The following ANO3 variants were observed in gnomAD, a reference collection of about 807,000 sequenced individuals.
The protein encoded by ANO3 is anoctamin-3.
In ANO3, 99 loss-of-function variants were observed where a neutral mutation model predicts 144.8. The observed-to-expected ratio is 0.68, with a 90% CI of 0.58 to 0.81. The LOEUF (loss-of-function observed/expected upper bound fraction) is 0.81, where lower values mean the gene tolerates loss of function less well. Ranked by LOEUF, ANO3 falls within the 30% of genes least tolerant of loss-of-function variation. The pLI is 0.00. For missense variants in ANO3, 905 were observed against 1,202.2 expected, an observed-to-expected ratio of 0.75 and a Z score of 3.66; for synonymous variants, 414 against 392.6, an observed-to-expected ratio of 1.05 and a Z score of -0.64.
intron 14 of ANO3, among the ~76,000 whole-genome samples, chr11:26,597,021 A>G (rs1046439945): frequency 2.0e-5 from 3 of 152,212 alleles, no homozygotes; most frequent in Non-Finnish European, 4.4e-5. Context: ...AGCCACGCTA[A>G]TCGTTTTTAA....
chr11:26,248,923 A>G (rs1438269197), intron 1 of ANO3, among the ~76,000 whole-genome samples: 1 of 152,172 alleles, frequency 6.6e-6, no homozygotes, highest in Non-Finnish European at 1.5e-5. Context: ...TGTGAACTGC[A>G]CATGCAAAGG....
At chr11:26,519,079 C>G (rs1861967520) in intron 6 of ANO3, among the ~76,000 whole-genome samples, 1 of 152,150 alleles carries the variant, frequency 6.6e-6, no homozygotes, top group Non-Finnish European at 1.5e-5. Context: ...CAGGATCCTT[C>G]ATCCTGCCCC....
At chr11:26,323,199 C>T (rs1465643003) in intron 1 of ANO3, among the ~76,000 whole-genome samples, 1 of 152,034 alleles carries the variant, frequency 6.6e-6, no homozygotes, top group African/African-American at 2.4e-5. Flanking sequence ...TCTATTTATC[C>T]AAAGAACCCT....
intron 7 of ANO3, among the ~76,000 whole-genome samples, chr11:26,529,117 TATATATTATATATA>T: frequency 5.2e-4 from 1 of 1,908 alleles, no homozygotes; most frequent in African/African-American, 5.5e-4. Flanking sequence ...TTATTAATAA[TATATATTATATATA>T]ATATATATTA....
At chr11:26,573,143 T>G (rs551926434) in intron 14 of ANO3, among the ~76,000 whole-genome samples, 2 of 152,258 alleles carry the variant, frequency 1.3e-5, no homozygotes, top group Admixed American at 1.3e-4. Flanking sequence ...AGATAGGTTT[T>G]CAACTGCTGA....
At chr11:26,595,829 C>CT (rs1565131025) in intron 14 of ANO3, among the ~76,000 whole-genome samples, 2 of 151,998 alleles carry the variant, frequency 1.3e-5, no homozygotes, top group Admixed American at 6.5e-5. Flanking sequence ...TACTTTTTTG[C>CT]TTTTTTTGAT....
intron 1 of ANO3, among the ~76,000 whole-genome samples, chr11:26,302,501 T>C (rs1266158033): frequency 6.6e-6 from 1 of 151,864 alleles, no homozygotes; most frequent in Admixed American, 6.6e-5. Flanking sequence ...CTCAAAATAA[T>C]AATGATAATA....
intron 3 of ANO3, among the ~76,000 whole-genome samples, chr11:26,449,101 A>G (rs891818014): frequency 6.6e-6 from 1 of 152,158 alleles, no homozygotes; most frequent in Non-Finnish European, 1.5e-5. Flanking sequence ...TGGTCTCTCT[A>G]GGCCATTTCC....
At chr11:26,463,546 T>C (rs1290703432) in intron 4 of ANO3, among the ~76,000 whole-genome samples, 2 of 149,932 alleles carry the variant, frequency 1.3e-5, no homozygotes, top group Admixed American at 1.3e-4. Context: ...CTGAGAATTG[T>C]TTTTCTCATT....
intron 4 of ANO3, among the ~76,000 whole-genome samples, chr11:26,484,672 A>G (rs2134094410): frequency 6.6e-6 from 1 of 152,284 alleles, no homozygotes; most frequent in African/African-American, 2.4e-5. Context: ...CCACTGTCCC[A>G]TAGACCCCAG....
Position 26,369,495 on chromosome 11 carries a change from T to C in ANO3, c.46+37174T>C, listed in dbSNP as rs538144524. On this transcript the variant is annotated intron_variant, in intron 1 of 26. Transcript: ENST00000256737. ...AGAGATCTGAGGCTAAGAGGTATTA[T>C]ATAAAGCTAATTTTTAAATATTTTC... Among the ~76,000 whole-genome samples the C allele has an allele frequency of 3.9e-5, 6 of 152,268 alleles. No homozygotes were observed. The East Asian group carries it at 9.7e-4, about 24-fold the overall frequency.
chr11:26,640,401 A>G (rs1853110642), intron 21 of ANO3, among the ~76,000 whole-genome samples: 1 of 152,196 alleles, frequency 6.6e-6, no homozygotes, highest in South Asian at 2.1e-4. Flanking sequence ...GAGAGAATAG[A>G]AGATGGAGGA....
chr11:26,382,648 A>G (rs1856620631), intron 1 of ANO3, among the ~76,000 whole-genome samples: 1 of 152,130 alleles, frequency 6.6e-6, no homozygotes, highest in Non-Finnish European at 1.5e-5. Context: ...ATATTCTTTC[A>G]AAGCCCACTT....
intron 1 of ANO3, among the ~76,000 whole-genome samples, chr11:26,270,128 T>G (rs1853408977): frequency 1.3e-5 from 2 of 152,202 alleles, no homozygotes; most frequent in South Asian, 2.1e-4. Flanking sequence ...GATGTTCAGC[T>G]TTCATTTTTC....
Position 26,403,796 on chromosome 11 carries a change from A to G in ANO3, c.47-38122A>G, listed in dbSNP as rs1250273334. Among the ~76,000 whole-genome samples, 3 of 151,978 alleles carry G rather than the reference A, an allele frequency of 2.0e-5. No homozygotes were observed. The East Asian group carries it at 5.8e-4, about 30-fold the overall frequency. The stretch of plus-strand genomic sequence containing the variant: ...TCCTCCTGCTCACTGTTCTGTAGAC[A>G]TAGAGGCCTCCTTATTCCTCCTTGA... On this transcript the variant is annotated intron_variant, in intron 1 of 26. Transcript: ENST00000256737.
chr11:26,561,959 C>G (rs1368365895), intron 14 of ANO3, among the ~76,000 whole-genome samples: 1 of 151,840 alleles, frequency 6.6e-6, no homozygotes, highest in Non-Finnish European at 1.5e-5. Context: ...ATTCCTGTAG[C>G]CATCTGTTTA....
chr11:26,401,617 G>C (rs993642294), intron 1 of ANO3, among the ~76,000 whole-genome samples: 1 of 151,986 alleles, frequency 6.6e-6, no homozygotes, highest in African/African-American at 2.4e-5. Flanking sequence ...GCTCATGCCT[G>C]TAATCCCAGT....
intron 1 of ANO3, among the ~76,000 whole-genome samples, chr11:26,266,558 C>G (rs917296436): frequency 6.6e-6 from 1 of 151,346 alleles, no homozygotes; most frequent in Non-Finnish European, 1.5e-5. Flanking sequence ...CTCAGCCGCC[C>G]GAGAAGCTGG....
chr11:26,303,149 C>A (rs1016091709), intron 1 of ANO3, among the ~76,000 whole-genome samples: 1 of 152,168 alleles, frequency 6.6e-6, no homozygotes, highest in Admixed American at 6.5e-5. Context: ...TCTCGAAGAA[C>A]TGAAAACAGA....
Sources: allele counts gnomAD v4.1 joint callset (sites outside exome capture counted in the v4.1 genomes callset), GRCh38; gene constraint gnomAD v4.1.1; transcripts MANE v1.5; gene names NCBI Gene and HGNC (gene_info 2026-07-23, HGNC 2026-07-21).